The following SYNRG variants were observed in gnomAD, a reference collection of about 807,000 sequenced individuals.
The protein encoded by SYNRG is AP1 gamma subunit binding protein 1.
Under a neutral mutation model 130.9 loss-of-function variants are expected in SYNRG, and 37 were observed. The ratio of observed to expected loss-of-function variants is 0.28; its 90% confidence interval spans 0.22 to 0.37. SYNRG has a LOEUF of 0.37. Among genes scored for constraint, SYNRG ranks in the 10% least tolerant of loss-of-function variants. The pLI is 1.00. For synonymous variants in SYNRG, 539 were observed against 568.1 expected, an observed-to-expected ratio of 0.95 and a Z score of 0.73; for missense variants, 1,338 against 1,588.9, an observed-to-expected ratio of 0.84 and a Z score of 2.68.
rs370698922 is a variant in SYNRG, at chr17:37,600,334, A to G, written c.118+29T>C. ...ATTCAGAAACACAAGAGTGAAAAAT[A>G]AAAGTTCAAAACTTAAGCTCTCACA... On this transcript the variant is annotated intron_variant, in intron 2 of 21. Coordinates refer to ENST00000612223, the MANE Select transcript of SYNRG (RefSeq NM_007247.6). The G allele has an allele frequency of 4.5e-6, 7 of 1,556,326 alleles. No individual in the cohort carries two copies. In the African/African-American group the frequency reaches 9.7e-5, roughly 21 times the overall value.
chr17:37,534,101 A>AT (rs747899902), intron 19 of SYNRG, among the ~76,000 whole-genome samples: 2,438 of 137,608 alleles, frequency 0.018, 70 homozygotes, highest in African/African-American at 0.059. Context: ...TGGCCAGCTA[A>AT]TTTTTTTTTT....
intron 2 of SYNRG, among the ~76,000 whole-genome samples, chr17:37,599,581 C>T (rs993302086): frequency 6.6e-6 from 1 of 152,076 alleles, no homozygotes; most frequent in African/African-American, 2.4e-5. Flanking sequence ...ATTAGCCAGG[C>T]GTGGTGGTAT....
intron 15 of SYNRG, 88 bp from the exon 16 acceptor site, chr17:37,540,631 T>TAA: frequency 5.6e-6 from 1 of 177,828 alleles, no homozygotes; most frequent in Non-Finnish European, 9.0e-6. Flanking sequence ...AACCCTCTTC[T>TAA]TTTTTTTTTT....
intron 8 of SYNRG, 24 bp from the exon 9 acceptor site, chr17:37,572,011 C>T (rs1193934155): frequency 1.3e-6 from 2 of 1,573,672 alleles, no homozygotes; most frequent in Admixed American, 3.6e-5. Flanking sequence ...GACCAGATTA[C>T]AAATGGAAAC....
rs772354529 is a variant in SYNRG at position 37,585,375 on chromosome 17, A to ACTG, written c.424_426dup (p.Gln142dup). On this transcript the variant is annotated inframe_insertion, in exon 5 of 22. Transcript: ENST00000612223. ...CTGAGCTTTTGCTTCTGCTCTTCAA[A>ACTG]CTGGCGTCTTTTTCTTTCTTCTTCT... The ACTG allele has an allele frequency of 5.6e-6, 9 of 1,613,910 alleles. No individual in the cohort carries two copies. The highest frequency in any genetic ancestry group is 6.8e-6 in the Non-Finnish European group (8 of 1,180,008).
intron 21 of SYNRG, 46 bp from the exon 22 acceptor site, chr17:37,519,117 C>T (rs746179539): frequency 6.3e-7 from 1 of 1,594,530 alleles, no homozygotes; most frequent in South Asian, 1.1e-5. Context: ...GCTTTTTCTG[C>T]ATCTCAGAGC....
chr17:37,577,758 G>T (rs1254666680), intron 6 of SYNRG, 145 bp from the exon 7 acceptor site: 1 of 663,838 alleles, frequency 1.5e-6, no homozygotes, highest in Non-Finnish European at 2.5e-6. Context: ...TAGTGTACTG[G>T]CATGATCTCA....
At position 37,561,243 on chromosome 17, in the gene SYNRG, A is replaced by G; in HGVS notation, c.1615T>C (p.Tyr539His). The change falls in exon 13 of 22, where the codon TAT becomes CAT. Residue 539 changes from tyrosine to histidine, a missense_variant. Coordinates refer to ENST00000612223, the MANE Select transcript of SYNRG (RefSeq NM_007247.6). ...TVPPGDPGDK[Y>H]SAFRELEQTA... ...TGTTCAAGTTCTCTGAAAGCACTAT[A>G]TTTATCACCAGGATCTATGATAGAA... is the stretch of plus-strand genomic sequence containing the variant. 1.9e-6 allele frequency: 3 copies of G among 1,613,834 alleles called. No individual in the cohort carries two copies. The highest frequency in any genetic ancestry group is 2.5e-6 in the Non-Finnish European group (3 of 1,179,938).
At chr17:37,592,882 C>T (rs1286477336) in intron 3 of SYNRG, among the ~76,000 whole-genome samples, 1 of 152,132 alleles carries the variant, frequency 6.6e-6, no homozygotes, top group Non-Finnish European at 1.5e-5. Flanking sequence ...TACTATATTT[C>T]TACAAGTTTT....
intron 19 of SYNRG, among the ~76,000 whole-genome samples, chr17:37,533,099 T>C (rs1346026674): frequency 6.6e-6 from 1 of 152,210 alleles, no homozygotes; most frequent in African/African-American, 2.4e-5. Context: ...AAGAAATTTC[T>C]TTCTGATATT....
At chr17:37,593,735 T>G (rs2062418282) in intron 3 of SYNRG, among the ~76,000 whole-genome samples, 1 of 151,820 alleles carries the variant, frequency 6.6e-6, no homozygotes, top group African/African-American at 2.4e-5. Flanking sequence ...AAATACAAAA[T>G]TAGCCGGGCG....
Position 37,584,764 on chromosome 17 carries a change from G to T in SYNRG, c.478-5C>A, listed in dbSNP as rs773778353. 6.2e-7 allele frequency: 1 copy of T among 1,602,256 alleles called. No homozygotes were observed. The highest frequency in any genetic ancestry group is 8.5e-7 in the Non-Finnish European group (1 of 1,170,168). Reference sequence around the variant, plus strand: ...ATCTCTACTCTTCTCTCCTGTCTAAGAGACAACAAATATATGCGTATTTCT... The same window carrying T: ...ATCTCTACTCTTCTCTCCTGTCTAATAGACAACAAATATATGCGTATTTCT... On this transcript the variant is annotated splice_region_variant and splice_polypyrimidine_tract_variant and intron_variant, in intron 5 of 21. Coordinates refer to ENST00000612223, the MANE Select transcript of SYNRG (RefSeq NM_007247.6).
Position 37,568,868 on chromosome 17 carries a change from T to A in SYNRG, c.1404A>T (p.Gly468=), listed in dbSNP as rs778052186. 61 of 1,614,020 alleles carry A rather than the reference T, an allele frequency of 3.8e-5. No individual in the cohort carries two copies. In the Admixed American group the frequency reaches 1.0e-3, roughly 26 times the overall value. The stretch of plus-strand genomic sequence containing the variant: ...AATCACTGAATGAGTCATCAAGGGA[T>A]CCTGACTTAGAAGCATCTTGAAAAT... ...FQDFQDASKS[G]SLDDSFSDFQ... Residue 468 remains glycine (G), a synonymous_variant, in exon 11 of 22, where the codon GGA becomes GGT. Transcript: ENST00000612223.
intron 13 of SYNRG, among the ~76,000 whole-genome samples, chr17:37,557,862 G>A (rs943706851): frequency 5.3e-5 from 8 of 152,086 alleles, no homozygotes; most frequent in Admixed American, 2.6e-4. Flanking sequence ...AAAAAAAAAG[G>A]TATTGAAAAG....
chr17:37,577,518 C>A lies in SYNRG; in HGVS notation c.685G>T (p.Ala229Ser), dbSNP rs2060932128. The A allele has an allele frequency of 1.9e-6, 3 of 1,613,994 alleles. No homozygotes were observed. The highest frequency in any genetic ancestry group is 1.7e-5 in the Admixed American group (1 of 59,980). ...TTCTTACTGGAACCTGGGCCTAGGG[C>A]TTTGTGGCCAACTTCAGAAGTATTT... ...KLNTSEVGHK[A>S]LGPGSSKKYP... is the part of the protein sequence containing the mutation. The change falls in exon 7 of 22, where the codon GCC becomes TCC. Residue 229 changes from alanine to serine, a missense_variant. Transcript: ENST00000612223.
chr17:37,584,400 C>A, intron 6 of SYNRG: 1 of 378,896 alleles, frequency 2.6e-6, no homozygotes, highest in Non-Finnish European at 4.9e-6. Flanking sequence ...ATACAGAAAA[C>A]TTACAGGTGA....
chr17:37,541,312 G>A, intron 15 of SYNRG: 3 of 957,624 alleles, frequency 3.1e-6, no homozygotes, highest in Non-Finnish European at 2.5e-6. Context: ...TCAGAGACCA[G>A]GCAAGTAAAG....
intron 3 of SYNRG, among the ~76,000 whole-genome samples, chr17:37,591,575 CTG>C (rs1426183646): frequency 1.3e-5 from 2 of 152,184 alleles, no homozygotes; most frequent in African/African-American, 4.8e-5. Context: ...GTCATGAAGA[CTG>C]TGTTATTGGT....
intron 19 of SYNRG, among the ~76,000 whole-genome samples, chr17:37,527,123 T>C (rs992796038): frequency 2.6e-5 from 4 of 152,210 alleles, no homozygotes; most frequent in African/African-American, 7.2e-5. Flanking sequence ...AAGGAAGTAG[T>C]AAAGAATTCA....
Sources: allele counts gnomAD v4.1 joint callset (sites outside exome capture counted in the v4.1 genomes callset), GRCh38; gene constraint gnomAD v4.1.1; transcripts MANE v1.5; gene names NCBI Gene and HGNC (gene_info 2026-07-23, HGNC 2026-07-21).